Variants in MACROD2 observed in about 807,000 individuals in gnomAD.
MACROD2 encodes mono-ADP ribosylhydrolase 2, also known as ADP-ribose glycohydrolase MACROD2.
Under a neutral mutation model 70.4 loss-of-function variants are expected in MACROD2, and 36 were observed. The ratio of observed to expected loss-of-function variants is 0.51; its 90% CI spans 0.39 to 0.68. MACROD2 has a LOEUF of 0.68. Among genes scored for constraint, MACROD2 ranks in the 30% least tolerant of loss-of-function variants. The pLI is 0.00. For missense variants in MACROD2, 496 were observed against 538.4 expected, an observed-to-expected ratio of 0.92 and a Z score of 0.78; for synonymous variants, 172 against 178.8, an observed-to-expected ratio of 0.96 and a Z score of 0.30.
chr20:15,001,652 A>G (rs1204752654), intron 5 of MACROD2, among the ~76,000 whole-genome samples: 1 of 151,802 alleles, frequency 6.6e-6, no homozygotes, highest in Non-Finnish European at 1.5e-5. Flanking sequence ...TTCTAGGGGG[A>G]TTTATGTTTT....
chr20:14,919,757 G>A (rs6135308), intron 5 of MACROD2, among the ~76,000 whole-genome samples: 19,604 of 152,128 alleles, frequency 0.13, 1,512 homozygotes, highest in South Asian at 0.19. Flanking sequence ...AACAAACACC[G>A]GCCCTAAATT....
At chr20:15,943,021 T>G (rs2065771821) in intron 12 of MACROD2, among the ~76,000 whole-genome samples, 1 of 152,160 alleles carries the variant, frequency 6.6e-6, no homozygotes. Context: ...ATTTATGAAA[T>G]GGGATGTCAC....
intron 3 of MACROD2, among the ~76,000 whole-genome samples, chr20:14,492,626 G>T (rs528644141): frequency 2.5e-4 from 38 of 152,140 alleles, no homozygotes; most frequent in African/African-American, 8.0e-4. Flanking sequence ...TTTTCACAAA[G>T]AAGGGGAGTT....
chr20:15,694,592 A>G (rs887530517), intron 8 of MACROD2, among the ~76,000 whole-genome samples: 7 of 151,446 alleles, frequency 4.6e-5, no homozygotes, highest in African/African-American at 1.7e-4. Context: ...GATCTGTTTG[A>G]GTTCATTGTA....
intron 3 of MACROD2, among the ~76,000 whole-genome samples, chr20:14,302,952 G>A (rs541269151): frequency 5.9e-5 from 9 of 151,968 alleles, no homozygotes; most frequent in Non-Finnish European, 1.2e-4. Context: ...GTGCCTGGCC[G>A]GAAGTTATTT....
intron 8 of MACROD2, among the ~76,000 whole-genome samples, chr20:15,832,745 G>C (rs902964096): frequency 6.6e-6 from 1 of 152,190 alleles, no homozygotes; most frequent in African/African-American, 2.4e-5. Flanking sequence ...ACAGGCAAAT[G>C]GCACCTGCTC....
At chr20:14,428,245 T>C (rs577920119) in intron 3 of MACROD2, among the ~76,000 whole-genome samples, 3 of 152,244 alleles carry the variant, frequency 2.0e-5, no homozygotes, top group African/African-American at 7.2e-5. Flanking sequence ...CTTCAAGATA[T>C]ATGCCTATTA....
chr20:14,104,781 G>C (rs2054346744), intron 3 of MACROD2, among the ~76,000 whole-genome samples: 1 of 152,180 alleles, frequency 6.6e-6, no homozygotes, highest in Non-Finnish European at 1.5e-5. Flanking sequence ...CAATTAAACT[G>C]AGACTGTAGA....
chr20:15,555,234 T>C lies in MACROD2; in HGVS notation c.645+55387T>C, dbSNP rs891762435. 3.3e-5 allele frequency among the ~76,000 whole-genome samples: 5 copies of C among 152,168 alleles called. No individual in the cohort carries two copies. The East Asian group carries it at 9.7e-4, about 29-fold the overall frequency. On this transcript the variant is annotated intron_variant, in intron 8 of 17. Transcript: ENST00000684519. ...GTGGTAGAGAAGCCCTCCTATTCTC[T>C]GATATCTATTTCCCAATCAGAATAA...
intron 8 of MACROD2, among the ~76,000 whole-genome samples, chr20:15,600,839 A>G (rs2423967): frequency 0.42 from 64,035 of 152,082 alleles, 15,469 homozygotes; most frequent in Non-Finnish European, 0.54. Flanking sequence ...GCTCAAAAAT[A>G]TATATATTAT....
intron 3 of MACROD2, among the ~76,000 whole-genome samples, chr20:14,232,622 G>C (rs185302372): frequency 1.4e-4 from 22 of 152,340 alleles, no homozygotes; most frequent in African/African-American, 5.1e-4. Context: ...AGCCTTCATA[G>C]AATTGAAGAG....
At chr20:16,022,055 T>C (rs1422569511) in intron 15 of MACROD2, among the ~76,000 whole-genome samples, 3 of 145,410 alleles carry the variant, frequency 2.1e-5, no homozygotes, top group East Asian at 4.0e-4. Context: ...TTCTTTTTTT[T>C]TTTTTTTTTT....
intron 4 of MACROD2, among the ~76,000 whole-genome samples, chr20:14,567,261 GA>G (rs1979872900): frequency 6.6e-6 from 1 of 152,006 alleles, no homozygotes; most frequent in Non-Finnish European, 1.5e-5. Context: ...TCCATCAATA[GA>G]TGAATGATCT....
At chr20:15,598,421 A>T (rs1205391433) in intron 8 of MACROD2, among the ~76,000 whole-genome samples, 1 of 152,104 alleles carries the variant, frequency 6.6e-6, no homozygotes, top group Non-Finnish European at 1.5e-5. Flanking sequence ...GTTCCATCCC[A>T]TGAGTTGTGT....
At chr20:14,049,088 A>G (rs1569134234) in intron 2 of MACROD2, among the ~76,000 whole-genome samples, 1 of 151,570 alleles carries the variant, frequency 6.6e-6, no homozygotes, top group Non-Finnish European at 1.5e-5. Context: ...CGTGTTGAAA[A>G]TTTGAGGAGA....
chr20:14,427,953 TTAA>T (rs1236035930), intron 3 of MACROD2, among the ~76,000 whole-genome samples: 5 of 152,202 alleles, frequency 3.3e-5, no homozygotes, highest in African/African-American at 4.8e-5. Flanking sequence ...TTGGTAAAAG[TTAA>T]TAATTCTGTT....
intron 4 of MACROD2, among the ~76,000 whole-genome samples, chr20:14,655,319 C>CTGTGTGTGTGTGTGTGTGTG (rs11470954): frequency 2.1e-5 from 3 of 141,706 alleles, no homozygotes; most frequent in African/African-American, 8.0e-5. Flanking sequence ...AAAGTGGACA[C>CTGTGTGTGTGTGTGTGTGTG]TGTGTGTGTG....
At chr20:15,546,128 T>A (rs1311160632) in intron 8 of MACROD2, among the ~76,000 whole-genome samples, 1 of 152,114 alleles carries the variant, frequency 6.6e-6, no homozygotes, top group Non-Finnish European at 1.5e-5. Context: ...GCCTGCAATC[T>A]CAGCTACTTG....
chr20:14,554,704 C>T (rs1276019675), intron 4 of MACROD2, among the ~76,000 whole-genome samples: 1 of 152,076 alleles, frequency 6.6e-6, no homozygotes, highest in African/African-American at 2.4e-5. Flanking sequence ...AGAATCTTTA[C>T]ATTTTGTACA....
Sources: allele counts gnomAD v4.1 joint callset (sites outside exome capture counted in the v4.1 genomes callset), GRCh38; gene constraint gnomAD v4.1.1; transcripts MANE v1.5; gene names NCBI Gene and HGNC (gene_info 2026-07-23, HGNC 2026-07-21).